The following MRAS variants were observed in gnomAD, a reference collection of about 807,000 sequenced individuals.
The protein encoded by MRAS is ras-related protein M-Ras.
In MRAS, 4 loss-of-function variants were observed where a neutral mutation model predicts 20.9. That is an observed-to-expected ratio of 0.19 (90% confidence interval 0.09 to 0.44). MRAS has a LOEUF of 0.44. MRAS is among the 20% of genes least tolerant of loss of function. The pLI is 0.99. For missense variants in MRAS, 154 were observed against 277.5 expected, an observed-to-expected ratio of 0.56 and a Z score of 3.16; for synonymous variants, 98 against 102.9, an observed-to-expected ratio of 0.95 and a Z score of 0.29.
intron 5 of MRAS, 27 bp downstream of exon 5, chr3:138,400,640 G>A (rs370661294): frequency 1.4e-5 from 22 of 1,580,758 alleles, no homozygotes; most frequent in South Asian, 2.2e-5. Context: ...CCCTAGAAGC[G>A]GGCCTCCACA....
intron 2 of MRAS, among the ~76,000 whole-genome samples, chr3:138,380,398 C>T (rs943635178): frequency 5.3e-5 from 8 of 152,070 alleles, no homozygotes; most frequent in Admixed American, 3.9e-4. Flanking sequence ...CTGCAACCTC[C>T]GCTTTCTGAG....
chr3:138,350,409 A>T (rs1295713957), intron 1 of MRAS: 1 of 152,266 alleles, frequency 6.6e-6, no homozygotes. Context: ...GGTGGGAGGC[A>T]TGGGGCTTTC....
intron 2 of MRAS, among the ~76,000 whole-genome samples, chr3:138,383,353 C>T (rs1476413678): frequency 1.3e-5 from 2 of 152,158 alleles, no homozygotes; most frequent in African/African-American, 4.8e-5. Context: ...TTTTTAGACA[C>T]AGGGTCTCAC....
chr3:138,354,776 C>T (rs576142214), intron 1 of MRAS, among the ~76,000 whole-genome samples: 1 of 152,066 alleles, frequency 6.6e-6, no homozygotes, highest in East Asian at 1.9e-4. Flanking sequence ...ACAATGATAA[C>T]AAAATGCTTT....
intron 5 of MRAS, among the ~76,000 whole-genome samples, chr3:138,401,676 G>T (rs557951112): frequency 3.5e-4 from 53 of 152,292 alleles, no homozygotes; most frequent in African/African-American, 1.2e-3. Flanking sequence ...CCTCCAATTA[G>T]GATGTGCTGC....
At chr3:138,390,105 TGA>T (rs2055100732) in intron 2 of MRAS, among the ~76,000 whole-genome samples, 1 of 23,144 alleles carries the variant, frequency 4.3e-5, no homozygotes, top group African/African-American at 1.8e-4. Context: ...GGGGGAGAGG[TGA>T]GGGGGAGGAG....
At chr3:138,377,251 G>A (rs1247720670) in intron 2 of MRAS, among the ~76,000 whole-genome samples, 2 of 152,206 alleles carry the variant, frequency 1.3e-5, no homozygotes, top group Non-Finnish European at 2.9e-5. Flanking sequence ...GGCCTTCCTC[G>A]GGAATAGACA....
At chr3:138,394,512 G>A (rs77081541) in intron 2 of MRAS, among the ~76,000 whole-genome samples, 5,803 of 152,142 alleles carry the variant, frequency 0.038, 358 homozygotes, top group African/African-American at 0.13. Context: ...AGGCATCGCT[G>A]GATAGCTTGT....
At chr3:138,392,618 G>A (rs1352734097) in intron 2 of MRAS, among the ~76,000 whole-genome samples, 4 of 152,108 alleles carry the variant, frequency 2.6e-5, no homozygotes, top group African/African-American at 4.8e-5. Context: ...GTCTTTGTCC[G>A]TTTCATGATC....
intron 2 of MRAS, among the ~76,000 whole-genome samples, chr3:138,391,861 C>T (rs1576380945): frequency 6.6e-6 from 1 of 152,260 alleles, no homozygotes; most frequent in East Asian, 1.9e-4. Context: ...TGTTCATGGC[C>T]AGGCGCGGTG....
chr3:138,380,894 C>T (rs758421267), intron 2 of MRAS, among the ~76,000 whole-genome samples: 1 of 151,832 alleles, frequency 6.6e-6, no homozygotes, highest in Admixed American at 6.6e-5. Context: ...CTCAGTCTTC[C>T]GAGTAGCTGG....
chr3:138,348,241 G>T (rs1023257044), upstream of MRAS: 3 of 152,262 alleles, frequency 2.0e-5, no homozygotes, highest in Non-Finnish European at 4.4e-5. Flanking sequence ...AGGTTGGAGC[G>T]CAGAGGCTCT....
chr3:138,376,435 G>A (rs568857170), intron 2 of MRAS, among the ~76,000 whole-genome samples: 11 of 152,166 alleles, frequency 7.2e-5, no homozygotes, highest in Non-Finnish European at 1.3e-4. Flanking sequence ...TGAGAGCAGG[G>A]ACTTTATTTA....
chr3:138,353,313 C>A (rs967159447), intron 1 of MRAS, among the ~76,000 whole-genome samples: 5 of 151,924 alleles, frequency 3.3e-5, no homozygotes, highest in African/African-American at 1.2e-4. Context: ...AGTTATAGTA[C>A]AATAGTAGAC....
chr3:138,383,672 G>A (rs1397131040), intron 2 of MRAS, among the ~76,000 whole-genome samples: 3 of 152,212 alleles, frequency 2.0e-5, no homozygotes, highest in Admixed American at 6.5e-5. Context: ...TGAGTCCTAT[G>A]TACCTGGATA....
intron 2 of MRAS, among the ~76,000 whole-genome samples, chr3:138,376,354 C>T (rs951439180): frequency 6.6e-6 from 1 of 152,204 alleles, no homozygotes; most frequent in African/African-American, 2.4e-5. Context: ...CTTCTTTATT[C>T]TGCCTTTTAT....
intron 1 of MRAS, among the ~76,000 whole-genome samples, chr3:138,365,953 G>C (rs1052464007): frequency 2.0e-5 from 3 of 152,214 alleles, no homozygotes; most frequent in African/African-American, 7.2e-5. Flanking sequence ...ATAACGGAGT[G>C]AGCTGAAAAG....
chr3:138,371,564 A>G (rs1293892249), intron 1 of MRAS, among the ~76,000 whole-genome samples: 2 of 152,106 alleles, frequency 1.3e-5, no homozygotes, highest in Admixed American at 6.6e-5. Context: ...AGTCACACGT[A>G]CACCATGCTT....
intron 3 of MRAS, 40 bp downstream of exon 3, chr3:138,397,517 T>C: frequency 6.2e-7 from 1 of 1,609,590 alleles, no homozygotes; most frequent in South Asian, 1.1e-5. Flanking sequence ...GGAAGAGGCC[T>C]GCGCCTGCCT....
Sources: gnomAD v4.1 joint callset for allele counts (sites outside exome capture counted in the v4.1 genomes callset) on GRCh38, gnomAD v4.1.1 for gene constraint, MANE v1.5 for transcripts, NCBI Gene and HGNC (gene_info 2026-07-23, HGNC 2026-07-21) for gene names.